Variants in ST8SIA6 observed in about 807,000 individuals in gnomAD.
ST8SIA6 encodes the protein ST8 alpha-N-acetyl-neuraminide alpha-2,8-sialyltransferase 6.
Under a neutral mutation model 33.6 loss-of-function variants are expected in ST8SIA6, and 39 were observed. The ratio of observed to expected loss-of-function variants is 1.16; its 90% CI spans 0.90 to 1.52. The LOEUF is 1.52. Ranked by LOEUF, ST8SIA6 falls within the 40% of genes most tolerant of loss-of-function variation. The pLI, the probability that ST8SIA6 is intolerant of heterozygous loss-of-function variation, is 0.00. For synonymous variants in ST8SIA6, 172 were observed against 167.2 expected, an observed-to-expected ratio of 1.03 and a Z score of -0.22; for missense variants, 441 against 443.8, an observed-to-expected ratio of 0.99 and a Z score of 0.06.
intron 3 of ST8SIA6, among the ~76,000 whole-genome samples, chr10:17,378,719 T>G (rs1377785749): frequency 6.6e-6 from 1 of 152,172 alleles, no homozygotes; most frequent in African/African-American, 2.4e-5. Context: ...TCAGTGACTT[T>G]ATCATGAAAG....
At chr10:17,393,339 G>A (rs576658794) in intron 2 of ST8SIA6, among the ~76,000 whole-genome samples, 3 of 152,158 alleles carry the variant, frequency 2.0e-5, no homozygotes, top group Non-Finnish European at 4.4e-5. Context: ...TAAATCTCTT[G>A]CTATCTCTCT....
intron 2 of ST8SIA6, among the ~76,000 whole-genome samples, chr10:17,393,724 G>A (rs974870693): frequency 9.9e-5 from 15 of 152,200 alleles, no homozygotes; most frequent in African/African-American, 2.7e-4. Context: ...GAGATTGGAT[G>A]TGGGAAGTGA....
intron 6 of ST8SIA6, among the ~76,000 whole-genome samples, chr10:17,325,074 A>G (rs932542111): frequency 7.1e-6 from 1 of 141,758 alleles, no homozygotes; most frequent in Non-Finnish European, 1.5e-5. Context: ...ATACATATAT[A>G]ATTACATATA....
intron 4 of ST8SIA6, among the ~76,000 whole-genome samples, chr10:17,355,495 C>T (rs1459795117): frequency 6.6e-6 from 1 of 152,106 alleles, no homozygotes; most frequent in Non-Finnish European, 1.5e-5. Context: ...TGCCATGTCC[C>T]CAAAGGGCTC....
intron 2 of ST8SIA6, among the ~76,000 whole-genome samples, chr10:17,403,971 G>A (rs1281507076): frequency 1.3e-5 from 2 of 151,430 alleles, no homozygotes; most frequent in African/African-American, 2.4e-5. Context: ...AGGCTGAGGT[G>A]GGAGAATCGC....
rs541687609 is a variant in ST8SIA6, at chr10:17,365,135, G to A, written c.291-5535C>T. Among the ~76,000 whole-genome samples the A allele has an allele frequency of 1.7e-4, 26 of 152,254 alleles. No homozygotes were observed. In the South Asian group the frequency reaches 3.1e-3, roughly 18 times the overall value. ...TAAATCACACTAAATAATGCAGCAA[G>A]TTATGTTCAAAAGAATAATGTCTAT... On this transcript the variant is annotated intron_variant, in intron 3 of 7. Transcript: ENST00000377602.
intron 4 of ST8SIA6, among the ~76,000 whole-genome samples, chr10:17,352,840 G>C (rs1453329189): frequency 6.6e-6 from 1 of 152,068 alleles, no homozygotes; most frequent in Non-Finnish European, 1.5e-5. Context: ...ATGACAAATA[G>C]AAGATGATAT....
At chr10:17,429,287 G>A (rs116527114) in intron 2 of ST8SIA6, among the ~76,000 whole-genome samples, 158 of 152,016 alleles carry the variant, frequency 1.0e-3, no homozygotes, top group African/African-American at 3.5e-3. Flanking sequence ...ATACTCCTCA[G>A]TACTTTTTCT....
chr10:17,411,783 C>T (rs575858222), intron 2 of ST8SIA6, among the ~76,000 whole-genome samples: 61 of 152,278 alleles, frequency 4.0e-4, no homozygotes, highest in Middle Eastern at 3.4e-3. Context: ...TCTTTAATTC[C>T]TGGCCCTATT....
At chr10:17,373,931 C>T (rs1352127921) in intron 3 of ST8SIA6, among the ~76,000 whole-genome samples, 2 of 152,020 alleles carry the variant, frequency 1.3e-5, no homozygotes, top group Non-Finnish European at 2.9e-5. Context: ...GTTTTGTTTC[C>T]AGTGACAAAT....
intron 4 of ST8SIA6, among the ~76,000 whole-genome samples, chr10:17,341,922 CAAAA>C (rs1848691544): frequency 3.1e-5 from 3 of 95,928 alleles, no homozygotes; most frequent in South Asian, 3.3e-4. Context: ...AAAAAAAAAA[CAAAA>C]AGAAAGAAAG....
At chr10:17,333,686 TATATATATATATATATATATATATATATA>T (rs1848378183) in intron 4 of ST8SIA6, among the ~76,000 whole-genome samples, 1 of 19,352 alleles carries the variant, frequency 5.2e-5, no homozygotes, top group Non-Finnish European at 9.5e-5. Context: ...TATATATATA[TATATATATATATATATATATATATATATA>T]TATTTTTTTT....
At chr10:17,343,216 A>G (rs1848729919) in intron 4 of ST8SIA6, among the ~76,000 whole-genome samples, 1 of 152,180 alleles carries the variant, frequency 6.6e-6, no homozygotes, top group Non-Finnish European at 1.5e-5. Flanking sequence ...CCTCTGAACA[A>G]GGTAACAAAG....
chr10:17,423,803 T>C (rs1044069858), intron 2 of ST8SIA6, among the ~76,000 whole-genome samples: 1 of 152,218 alleles, frequency 6.6e-6, no homozygotes, highest in Non-Finnish European at 1.5e-5. Flanking sequence ...CTCACAGGAA[T>C]CTTACATCTC....
At chr10:17,420,902 C>T (rs1851761917) in intron 2 of ST8SIA6, among the ~76,000 whole-genome samples, 1 of 152,182 alleles carries the variant, frequency 6.6e-6, no homozygotes, top group African/African-American at 2.4e-5. Context: ...CATCTTCTAA[C>T]AGGGCAGCAG....
intron 3 of ST8SIA6, among the ~76,000 whole-genome samples, chr10:17,375,618 T>G (rs547350581): frequency 2.0e-5 from 3 of 152,374 alleles, no homozygotes; most frequent in Non-Finnish European, 4.4e-5. Context: ...GACACTCACC[T>G]ATGGCGTAAG....
intron 2 of ST8SIA6, among the ~76,000 whole-genome samples, chr10:17,452,661 A>G (rs923356939): frequency 2.0e-5 from 3 of 152,238 alleles, no homozygotes; most frequent in Non-Finnish European, 4.4e-5. Flanking sequence ...TCATAGAATT[A>G]CTGATGGCAA....
chr10:17,368,533 C>G (rs1849634734), intron 3 of ST8SIA6, among the ~76,000 whole-genome samples: 1 of 148,684 alleles, frequency 6.7e-6, no homozygotes, highest in Non-Finnish European at 1.5e-5. Context: ...CTTCAATGTA[C>G]TAAGTAATAC....
At chr10:17,386,509 A>T (rs1026336515) in intron 3 of ST8SIA6, among the ~76,000 whole-genome samples, 1 of 152,224 alleles carries the variant, frequency 6.6e-6, no homozygotes, top group Non-Finnish European at 1.5e-5. Flanking sequence ...ACTGCACTCC[A>T]GCCTGGGTGA....
Sources: allele counts gnomAD v4.1 joint callset (sites outside exome capture counted in the v4.1 genomes callset), GRCh38; gene constraint gnomAD v4.1.1; transcripts MANE v1.5; gene names NCBI Gene and HGNC (gene_info 2026-07-23, HGNC 2026-07-21).